The following ZNF639 variants were observed in gnomAD, a reference collection of about 807,000 sequenced individuals.
The protein encoded by ZNF639 is zinc finger amplified in esophageal squamous cell carcinomas 1.
In ZNF639, 20 loss-of-function variants were observed where a neutral mutation model predicts 39.8. The ratio of observed to expected loss-of-function variants is 0.50; its 90% CI spans 0.35 to 0.73. ZNF639 has a LOEUF of 0.73. Ranked by LOEUF, ZNF639 falls within the 30% of genes least tolerant of loss-of-function variation. The pLI is 0.00. For synonymous variants in ZNF639, 176 were observed against 189.8 expected (o/e 0.93, Z 0.60); for missense variants, 477 against 566.2 (o/e 0.84, Z 1.60).
At chr3:179,331,575 T>C (rs1273463496) in intron 4 of ZNF639, among the ~76,000 whole-genome samples, 1 of 151,798 alleles carries the variant, frequency 6.6e-6, no homozygotes, top group African/African-American at 2.4e-5. Flanking sequence ...GGTCAGGAGT[T>C]TGAGACCAGC....
At chr3:179,327,234 C>CT (rs1727647118) in intron 1 of ZNF639, among the ~76,000 whole-genome samples, 1 of 152,064 alleles carries the variant, frequency 6.6e-6, no homozygotes. Flanking sequence ...ATTATGCTTG[C>CT]TTTCCTTATG....
At chr3:179,325,696 A>G (rs150341607) in intron 1 of ZNF639, among the ~76,000 whole-genome samples, 4,172 of 151,586 alleles carry the variant, frequency 0.028, 208 homozygotes, top group African/African-American at 0.096. Context: ...GATCGAGAAC[A>G]TCCTGGCTAA....
rs1328549959 is a variant in ZNF639, at chr3:179,335,055, A to G, written c.*633A>G. On this transcript the variant is annotated 3_prime_UTR_variant, in exon 6 of 6. Transcript: ENST00000496856. ...TATATCATAACTCATTCATAACTTGATGTTTCATTTTCTGTTGAGGAACCA... is the reference window on the plus strand; with the variant it reads ...TATATCATAACTCATTCATAACTTGGTGTTTCATTTTCTGTTGAGGAACCA... The G allele has an allele frequency of 2.0e-5, 3 of 152,170 alleles. No homozygotes were observed. In the East Asian group the frequency reaches 5.8e-4, roughly 29 times the overall value. The allele number at this position is 152,170 out of a possible 1,614,324, so 9.4% of individuals were successfully genotyped here.
At chr3:179,328,487 A>G (rs1727722379) in intron 3 of ZNF639, 136 bp downstream of exon 3, 3 of 541,720 alleles carry the variant, frequency 5.5e-6, no homozygotes, top group East Asian at 6.2e-5. Context: ...GTTTAAATAC[A>G]TTATCTGAAT....
intron 1 of ZNF639, 124 bp downstream of exon 1, chr3:179,323,415 G>C (rs1397717710): frequency 1.0e-6 from 1 of 982,084 alleles, no homozygotes; most frequent in Non-Finnish European, 1.2e-6. Context: ...CGGAAACTCT[G>C]CCTTCGTTAT....
chr3:179,328,774 A>ATTTTTTT (rs35129479), intron 3 of ZNF639, among the ~76,000 whole-genome samples: 1 of 135,506 alleles, frequency 7.4e-6, no homozygotes, highest in Non-Finnish European at 1.6e-5. Context: ...TGAATGTGTA[A>ATTTTTTT]TTTTTTTTTT....
At chr3:179,332,900 A>G in intron 4 of ZNF639, 89 bp from the exon 5 acceptor site, 1 of 1,435,610 alleles carries the variant, frequency 7.0e-7, no homozygotes, top group Non-Finnish European at 9.1e-7. Flanking sequence ...GTTGGAATTC[A>G]AAATCATATT....
At chr3:179,332,132 C>A (rs563451583) in intron 4 of ZNF639, among the ~76,000 whole-genome samples, 4 of 152,230 alleles carry the variant, frequency 2.6e-5, no homozygotes, top group African/African-American at 9.6e-5. Context: ...AGGTTAAAAA[C>A]TAAGGGCATT....
chr3:179,334,480 G>T lies in ZNF639; in HGVS notation c.*58G>T. ...AAATAATAAATTCATCCTTTTTTTG[G>T]AGATGATTAAATGGATGATTGTAAA... is the stretch of plus-strand genomic sequence containing the variant. On this transcript the variant is annotated 3_prime_UTR_variant, in exon 6 of 6. Coordinates refer to ENST00000496856, the MANE Select transcript of ZNF639 (RefSeq NM_001303426.2). 1.5e-6 allele frequency: 2 copies of T among 1,335,766 alleles called. No homozygotes were observed. Among genetic ancestry groups the T allele is most frequent in the Non-Finnish European group, 1.0e-6 (1 of 1,003,694 alleles). 82.7% of individuals were successfully genotyped at this position (1,335,766 alleles called of 1,614,324 possible). A position where few individuals can be genotyped will look rare whatever the true frequency, so the allele number is the denominator to read the frequency against.
In ZNF639 at chr3:179,329,622, C is replaced by T. The variant is rs773074966; in HGVS notation, c.63C>T (p.Ser21=). 3 of 1,588,300 alleles carry T rather than the reference C, an allele frequency of 1.9e-6. No individual in the cohort carries two copies. Among genetic ancestry groups the T allele is most frequent in the Non-Finnish European group, 2.6e-6 (3 of 1,160,880 alleles). ...KTLHPSRYSD[S]SGISRIADGF... Reference sequence around the variant, plus strand: ...TATTTTTCATTTTATGTTCAGATTCCTCTGGAATAAGCAGAATTGCAGATG... The same window carrying T: ...TATTTTTCATTTTATGTTCAGATTCTTCTGGAATAAGCAGAATTGCAGATG... Residue 21 remains serine, a synonymous_variant, in exon 4 of 6, where the codon TCC becomes TCT. Transcript: ENST00000496856.
intron 4 of ZNF639, among the ~76,000 whole-genome samples, chr3:179,332,553 G>C (rs1167951145): frequency 1.3e-5 from 2 of 152,190 alleles, no homozygotes; most frequent in Non-Finnish European, 2.9e-5. Context: ...AGGAGTTTGA[G>C]GCTGCAGTGA....
chr3:179,336,886 CACCTT>C lies in ZNF639; in HGVS notation c.*2466_*2470del, dbSNP rs1711547239. 1 of 152,200 alleles carries C rather than the reference CACCTT, an allele frequency of 6.6e-6. No homozygotes were observed. Among genetic ancestry groups the C allele is most frequent in the Non-Finnish European group, 1.5e-5 (1 of 68,038 alleles). 9.4% of individuals were successfully genotyped at this position (152,200 alleles called of 1,614,324 possible). On this transcript the variant is annotated 3_prime_UTR_variant, in exon 6 of 6. Coordinates refer to ENST00000496856, the MANE Select transcript of ZNF639 (RefSeq NM_001303426.2). ...TCCAGGAATTGGATTTTTGGAAAAACACCTTAAGTAATGCCTTGGTTTGTTTGTTT... is the reference window on the plus strand; with the variant it reads ...TCCAGGAATTGGATTTTTGGAAAAACAAGTAATGCCTTGGTTTGTTTGTTT...
intron 4 of ZNF639, chr3:179,329,989 T>C (rs1727818610): frequency 4.7e-6 from 1 of 214,658 alleles, no homozygotes; most frequent in Non-Finnish European, 9.2e-6. Flanking sequence ...CTTGGCTCAC[T>C]GCAACCTCCG....
At chr3:179,332,859 T>C (rs1310687138) in intron 4 of ZNF639, 130 bp from the exon 5 acceptor site, 2 of 1,303,338 alleles carry the variant, frequency 1.5e-6, no homozygotes, top group East Asian at 5.3e-5. Context: ...TAACTTATCT[T>C]TTTATGACTA....
chr3:179,328,489 T>C, intron 3 of ZNF639, 138 bp downstream of exon 3: 1 of 534,866 alleles, frequency 1.9e-6, no homozygotes, highest in Non-Finnish European at 3.3e-6. Flanking sequence ...TTAAATACAT[T>C]ATCTGAATAT....
intron 1 of ZNF639, among the ~76,000 whole-genome samples, chr3:179,325,734 A>G (rs1221362106): frequency 1.3e-5 from 2 of 152,052 alleles, no homozygotes; most frequent in African/African-American, 2.4e-5. Flanking sequence ...TGTACTAAAA[A>G]TACAAAAAAT....
rs140743860 is a variant in ZNF639, at chr3:179,333,382, A to G, written c.418A>G (p.Ile140Val). 1.1e-3 allele frequency: 1,744 copies of G among 1,614,126 alleles called. 17 individuals are homozygous for G. The African/African-American group carries it at 0.02, about 18-fold the overall frequency. Reference protein sequence around the residue: ...IEVHTAEDVPIAVEVHAISED... With the variant: ...IEVHTAEDVPVAVEVHAISED... ...AGTTCACACTGCTGAAGATGTTCCAATTGCTGTAGAAGTGCATGCGATTTC... is the reference window on the plus strand; with the variant it reads ...AGTTCACACTGCTGAAGATGTTCCAGTTGCTGTAGAAGTGCATGCGATTTC... Residue 140 changes from isoleucine to valine, a missense_variant, in exon 6 of 6, where the codon ATT (isoleucine) becomes GTT (valine). Ile to Val is a conservative substitution (Grantham distance 29). Coordinates refer to ENST00000496856, the MANE Select transcript of ZNF639 (RefSeq NM_001303426.2).
intron 1 of ZNF639, 121 bp downstream of exon 1, chr3:179,323,412 T>C: frequency 1.0e-6 from 1 of 982,486 alleles, no homozygotes; most frequent in Non-Finnish European, 1.2e-6. Flanking sequence ...ATACGGAAAC[T>C]CTGCCTTCGT....
At chr3:179,331,904 GA>G (rs1727936499) in intron 4 of ZNF639, among the ~76,000 whole-genome samples, 1 of 151,636 alleles carries the variant, frequency 6.6e-6, no homozygotes, top group Non-Finnish European at 1.5e-5. Flanking sequence ...AAGAAGTGAT[GA>G]AAATGGCAAT....
Sources: allele counts gnomAD v4.1 joint callset (sites outside exome capture counted in the v4.1 genomes callset), GRCh38; gene constraint gnomAD v4.1.1; transcripts MANE v1.5; gene names NCBI Gene and HGNC (gene_info 2026-07-23, HGNC 2026-07-21).